CHM: variants seen among roughly 807,000 people sequenced by gnomAD.
CHM encodes rab proteins geranylgeranyltransferase component A 1.
In CHM, 10 loss-of-function variants were observed where a neutral mutation model predicts 49.0. The observed-to-expected ratio is 0.20, with a 90% confidence interval of 0.13 to 0.35. CHM has a LOEUF of 0.35. Among genes scored for constraint, CHM ranks in the 10% least tolerant of loss-of-function variants. CHM has a pLI of 1.00. For missense variants in CHM, 455 were observed against 478.4 expected (o/e 0.95, Z 0.46); for synonymous variants, 184 against 167.5 (o/e 1.10, Z -0.76).
At position 85,964,274 on chromosome X, in the gene CHM, A is replaced by G. The variant is rs140812676; in HGVS notation, c.315-222T>C. Among the ~76,000 whole-genome samples the G allele has an allele frequency of 3.1e-3, 344 of 111,158 alleles. 6 individuals carry two copies. In the East Asian group the frequency reaches 0.046, roughly 15 times the overall value. On this transcript the variant is annotated intron_variant, in intron 4 of 14. Transcript: ENST00000357749. ...AAGACAGACAGGGGAACTGTATTGG[A>G]AGCAAATTACCACAGTGATGAAGAA...
intron 1 of CHM, among the ~76,000 whole-genome samples, chrX:86,033,150 C>T (rs1934107606): frequency 9.0e-6 from 1 of 111,070 alleles, no homozygotes; most frequent in Admixed American, 9.6e-5. Context: ...AGGTTAGTTC[C>T]CCATGATATA....
intron 9 of CHM, among the ~76,000 whole-genome samples, chrX:85,909,904 G>GA (rs1303653369): frequency 1.8e-5 from 2 of 111,715 alleles, no homozygotes; most frequent in East Asian, 2.8e-4. Flanking sequence ...AATGCACAAA[G>GA]AAAAATGATT....
intron 14 of CHM, among the ~76,000 whole-genome samples, chrX:85,872,720 T>C (rs2148120083): frequency 8.9e-6 from 1 of 112,145 alleles, no homozygotes; most frequent in Admixed American, 9.5e-5. Context: ...CGTCCAACTG[T>C]TTAAGTTAGA....
At chrX:85,999,287 C>T (rs1932589988) in intron 2 of CHM, among the ~76,000 whole-genome samples, 1 of 111,453 alleles carries the variant, frequency 9.0e-6, no homozygotes, top group South Asian at 3.7e-4. Flanking sequence ...TAAAAATCAA[C>T]AACTGTATTT....
At chrX:85,965,985 A>T (rs1252278211) in intron 4 of CHM, among the ~76,000 whole-genome samples, 1 of 111,543 alleles carries the variant, frequency 9.0e-6, no homozygotes, top group Non-Finnish European at 1.9e-5. Flanking sequence ...CTTTTATGAA[A>T]CTGTTGTGAG....
intron 1 of CHM, among the ~76,000 whole-genome samples, chrX:86,033,253 C>T (rs766990807): frequency 1.7e-4 from 19 of 111,851 alleles, no homozygotes; most frequent in South Asian, 7.5e-4. Flanking sequence ...CCACTCCCAG[C>T]ATATCGAACA....
chrX:85,991,423 T>A (rs1422309161), intron 2 of CHM, among the ~76,000 whole-genome samples: 1 of 111,250 alleles, frequency 9.0e-6, no homozygotes. Flanking sequence ...CTAGCACCAT[T>A]TAGTCCACAA....
chrX:85,862,676 C>G lies in CHM; in HGVS notation c.*1954G>C, dbSNP rs759009273. 1 of 111,693 alleles carries G rather than the reference C, an allele frequency of 9.0e-6. No individual in the cohort carries two copies. The highest frequency in any genetic ancestry group is 1.9e-5 in the Non-Finnish European group (1 of 53,141). 9.2% of individuals were successfully genotyped at this position (111,693 alleles called of 1,213,427 possible). A position where few individuals can be genotyped will look rare whatever the true frequency, so the allele number is the denominator to read the frequency against. The stretch of plus-strand genomic sequence containing the variant: ...CACTGGGAGGTAGGGATAGGAGCAG[C>G]CTGAGAGGCTAGTAAGTTAAGTTCT... On this transcript the variant is annotated 3_prime_UTR_variant, in exon 15 of 15. Coordinates refer to ENST00000357749, the MANE Select transcript of CHM (RefSeq NM_000390.4).
intron 9 of CHM, among the ~76,000 whole-genome samples, chrX:85,902,688 T>C (rs1438446822): frequency 1.8e-5 from 2 of 111,621 alleles, no homozygotes; most frequent in African/African-American, 6.5e-5. Flanking sequence ...CAAAATAATG[T>C]TTTAAAAACT....
At chrX:85,899,443 A>C (rs761259552) in intron 11 of CHM, among the ~76,000 whole-genome samples, 3 of 111,115 alleles carry the variant, frequency 2.7e-5, no homozygotes, top group Non-Finnish European at 5.7e-5. Flanking sequence ...TTTTCTCCCC[A>C]TAACAATGTA....
At chrX:85,935,775 A>G (rs1477550729) in intron 8 of CHM, among the ~76,000 whole-genome samples, 8 of 112,211 alleles carry the variant, frequency 7.1e-5, no homozygotes, top group Non-Finnish European at 5.6e-5. Flanking sequence ...ATTTTATTAT[A>G]TTAAGCAAGC....
chrX:85,901,410 G>A (rs1339514552), intron 9 of CHM, among the ~76,000 whole-genome samples: 1 of 110,954 alleles, frequency 9.0e-6, no homozygotes, highest in Non-Finnish European at 1.9e-5. Flanking sequence ...AATGAACATG[G>A]AATACAACTT....
chrX:85,890,826 T>C (rs763851366), intron 12 of CHM, among the ~76,000 whole-genome samples: 5 of 110,688 alleles, frequency 4.5e-5, no homozygotes, highest in African/African-American at 1.6e-4. Context: ...AGGCAGAGGG[T>C]TGGAACAATT....
chrX:86,000,513 CAAAAAAAA>C (rs754600557), intron 2 of CHM, among the ~76,000 whole-genome samples: 2 of 58,871 alleles, frequency 3.4e-5, no homozygotes, highest in African/African-American at 6.4e-5. Context: ...GGAATATATT[CAAAAAAAA>C]AAAAAAAAAA....
intron 8 of CHM, among the ~76,000 whole-genome samples, chrX:85,946,929 C>T (rs147507919): frequency 0.025 from 2,824 of 112,663 alleles, 46 homozygotes; most frequent in Non-Finnish European, 0.038. Flanking sequence ...GGAGCCCACT[C>T]CTTACAGGAC....
intron 8 of CHM, among the ~76,000 whole-genome samples, chrX:85,945,117 C>G (rs1378783811): frequency 9.0e-6 from 1 of 111,035 alleles, no homozygotes; most frequent in Non-Finnish European, 1.9e-5. Context: ...AAAATAGATG[C>G]TGGGACGTAC....
chrX:85,968,370 A>G (rs892640478), intron 4 of CHM, among the ~76,000 whole-genome samples: 2 of 112,363 alleles, frequency 1.8e-5, no homozygotes, highest in Admixed American at 9.4e-5. Flanking sequence ...TTACCCAAGA[A>G]CAAAACTTCA....
At chrX:85,954,682 G>A (rs756493434) in intron 8 of CHM, among the ~76,000 whole-genome samples, 72 of 110,649 alleles carry the variant, frequency 6.5e-4, no homozygotes, top group African/African-American at 2.2e-3. Flanking sequence ...TCACAAAGTC[G>A]GGAGTTCAAG....
chrX:85,876,395 A>G (rs1395215551), intron 13 of CHM, among the ~76,000 whole-genome samples: 4 of 112,116 alleles, frequency 3.6e-5, no homozygotes, highest in African/African-American at 1.3e-4. Context: ...TAATCAAAAC[A>G]TAATACTAAA....
Sources: allele counts gnomAD v4.1 joint callset (sites outside exome capture counted in the v4.1 genomes callset), GRCh38; gene constraint gnomAD v4.1.1; transcripts MANE v1.5; gene names NCBI Gene and HGNC (gene_info 2026-07-23, HGNC 2026-07-21).